Variants in EIF5B observed in about 807,000 individuals in gnomAD.
EIF5B encodes eukaryotic translation initiation factor 5B.
In EIF5B, 47 loss-of-function variants were observed where a neutral mutation model predicts 147.5. That is an observed-to-expected ratio of 0.32 (90% CI 0.25 to 0.41). EIF5B has a LOEUF of 0.41. Among genes scored for constraint, EIF5B ranks in the 10% least tolerant of loss-of-function variants. The pLI is 1.00. For missense variants in EIF5B, 1,064 were observed against 1,413.2 expected (o/e 0.75, Z 3.96); for synonymous variants, 455 against 456.2 (o/e 1.00, Z 0.03).
At chr2:99,371,529 C>T (rs865993479) in intron 8 of EIF5B, 127 bp from the exon 9 acceptor site, 10 of 655,034 alleles carry the variant, frequency 1.5e-5, no homozygotes, top group Middle Eastern at 4.4e-4. Flanking sequence ...ATAATAGCTG[C>T]ATACATATTT....
chr2:99,358,666 G>A (rs976252858), intron 1 of EIF5B, among the ~76,000 whole-genome samples: 3 of 152,158 alleles, frequency 2.0e-5, no homozygotes, highest in African/African-American at 4.8e-5. Flanking sequence ...GGGTGGTTCA[G>A]ATGCCTTTTG....
rs1342310591 is a variant in EIF5B, at chr2:99,400,142, T to G, written c.*728T>G. On this transcript the variant is annotated 3_prime_UTR_variant, in exon 24 of 24. Coordinates refer to ENST00000289371, the MANE Select transcript of EIF5B (RefSeq NM_015904.4). Reference sequence around the variant, plus strand: ...TTGTCCTCCTAGGACAAGAATTATCTTACAAACTAAACTATCATCACACTA... The same window carrying G: ...TTGTCCTCCTAGGACAAGAATTATCGTACAAACTAAACTATCATCACACTA... 6.6e-6 allele frequency: 1 copy of G among 152,116 alleles called. No homozygotes were observed. The highest frequency in any genetic ancestry group is 1.5e-5 in the Non-Finnish European group (1 of 68,046). The allele number at this position is 152,116 out of a possible 1,614,324, so 9.4% of individuals were successfully genotyped here.
At position 99,396,856 on chromosome 2, in the gene EIF5B, T is replaced by C. The variant is rs778911885; in HGVS notation, c.3351T>C (p.Gly1117=). 3.1e-6 allele frequency: 5 copies of C among 1,612,980 alleles called. No individual in the cohort carries two copies. The change falls in exon 22 of 24, where the codon GGT becomes GGC. Residue 1117 remains glycine (G), a synonymous_variant. Coordinates refer to ENST00000289371, the MANE Select transcript of EIF5B (RefSeq NM_015904.4). ...TGATGGGGGTGACGGTGGAAGCAGG[T>C]CAGGTGAAACAGGGGACACCCATGT... ...PIVMGVTVEA[G]QVKQGTPMCV...
In EIF5B at chr2:99,383,006, A is replaced by G. The variant is rs1423188268; in HGVS notation, c.2271+85A>G. 2.1e-5 allele frequency: 29 copies of G among 1,384,986 alleles called. No homozygotes were observed. The South Asian group carries it at 2.9e-4, about 14-fold the overall frequency. The allele number at this position is 1,384,986 out of a possible 1,614,324, so 85.8% of individuals were successfully genotyped here. On this transcript the variant is annotated intron_variant, in intron 14 of 23. Coordinates refer to ENST00000289371, the MANE Select transcript of EIF5B (RefSeq NM_015904.4). ...AAAAAAAGTAGTATAATTAACTTAC[A>G]AGCATAGCTCATTTTATTGTGCTTC...
At chr2:99,370,172 G>A (rs1192894561) in intron 8 of EIF5B, among the ~76,000 whole-genome samples, 1 of 152,084 alleles carries the variant, frequency 6.6e-6, no homozygotes, top group African/African-American at 2.4e-5. Flanking sequence ...CTAAAGGTCG[G>A]CTTCTATTTA....
chr2:99,375,961 G>A (rs1253526277), intron 9 of EIF5B, among the ~76,000 whole-genome samples: 1 of 152,134 alleles, frequency 6.6e-6, no homozygotes, highest in African/African-American at 2.4e-5. Flanking sequence ...TATGAAGTAA[G>A]TATAGAATGC....
rs1316141612 is a variant in EIF5B at position 99,401,209 on chromosome 2, C to G, written c.*1795C>G. On this transcript the variant is annotated 3_prime_UTR_variant, in exon 24 of 24. Coordinates refer to ENST00000289371, the MANE Select transcript of EIF5B (RefSeq NM_015904.4). Reference sequence around the variant, plus strand: ...TACCTCACAAGCACTTATGGCACAGCTATCAGAGAGCATCAGGCTCTCTGG... The same window carrying G: ...TACCTCACAAGCACTTATGGCACAGGTATCAGAGAGCATCAGGCTCTCTGG... The G allele has an allele frequency of 7.6e-7, 1 of 1,312,498 alleles. No individual in the cohort carries two copies. Among genetic ancestry groups the G allele is most frequent in the Non-Finnish European group, 1.1e-6 (1 of 905,832 alleles). The allele number at this position is 1,312,498 out of a possible 1,614,324, so 81.3% of individuals were successfully genotyped here. A position where few individuals can be genotyped will look rare whatever the true frequency, so the allele number is the denominator to read the frequency against.
At chr2:99,369,874 G>A (rs1156408718) in intron 8 of EIF5B, among the ~76,000 whole-genome samples, 1 of 152,104 alleles carries the variant, frequency 6.6e-6, no homozygotes, top group Non-Finnish European at 1.5e-5. Context: ...TACTTGGGAG[G>A]CTGAGGCAGG....
chr2:99,384,841 T>C (rs1447735116), intron 14 of EIF5B, among the ~76,000 whole-genome samples: 2 of 152,222 alleles, frequency 1.3e-5, no homozygotes, highest in African/African-American at 2.4e-5. Context: ...CTGCTTCTTA[T>C]GGGTGGGCAA....
intron 3 of EIF5B, 75 bp downstream of exon 3, chr2:99,360,624 A>G (rs1008735799): frequency 6.9e-6 from 10 of 1,440,184 alleles, no homozygotes; most frequent in South Asian, 1.3e-5. Context: ...TTGGGGAGCT[A>G]CATTTGGAAA....
In EIF5B at chr2:99,400,508, G is replaced by A. The variant is rs967835373; in HGVS notation, c.*1094G>A. The A allele has an allele frequency of 6.6e-6, 1 of 151,984 alleles. No homozygotes were observed. The highest frequency in any genetic ancestry group is 2.4e-5 in the African/African-American group (1 of 41,372). 9.4% of individuals were successfully genotyped at this position (151,984 alleles called of 1,614,324 possible). A position where few individuals can be genotyped will look rare whatever the true frequency, so the allele number is the denominator to read the frequency against. On this transcript the variant is annotated 3_prime_UTR_variant, in exon 24 of 24. Coordinates refer to ENST00000289371, the MANE Select transcript of EIF5B (RefSeq NM_015904.4). Reference sequence around the variant, plus strand: ...TAAACTATTTTTATTTTAAAGTTATGGCATAACATATAACATAAAAATATT... The same window carrying A: ...TAAACTATTTTTATTTTAAAGTTATAGCATAACATATAACATAAAAATATT...
intron 13 of EIF5B, 77 bp from the exon 14 acceptor site, chr2:99,382,703 C>G (rs1559256772): frequency 1.4e-6 from 2 of 1,387,258 alleles, no homozygotes; most frequent in African/African-American, 1.5e-5. Flanking sequence ...TTGGGTTTTA[C>G]AGAGAAGTTT....
chr2:99,391,471 T>A (rs1223194519), intron 17 of EIF5B, among the ~76,000 whole-genome samples: 1 of 152,162 alleles, frequency 6.6e-6, no homozygotes, highest in Non-Finnish European at 1.5e-5. Context: ...TTTAACACAT[T>A]TTTGGGAAGC....
At chr2:99,371,559 CT>C (rs1193194666) in intron 8 of EIF5B, 96 bp from the exon 9 acceptor site, 12 of 860,592 alleles carry the variant, frequency 1.4e-5, no homozygotes, top group Non-Finnish European at 2.1e-5. Context: ...TTAAAACATT[CT>C]TTTTTTATGT....
intron 12 of EIF5B, among the ~76,000 whole-genome samples, chr2:99,381,517 G>GT (rs199876144): frequency 0.38 from 52,513 of 137,336 alleles, 10,249 homozygotes; most frequent in African/African-American, 0.53. Context: ...TACAAAAAGG[G>GT]GGTGTGTGTG....
At chr2:99,351,486 G>T (rs924437362) in intron 1 of EIF5B, among the ~76,000 whole-genome samples, 2 of 152,138 alleles carry the variant, frequency 1.3e-5, no homozygotes, top group African/African-American at 4.8e-5. Context: ...AGTGGGATTA[G>T]GAGTGGGATT....
rs1162558011 is a variant in EIF5B, at chr2:99,344,095, A to G, written c.35+6506A>G. Among the ~76,000 whole-genome samples, 3 of 151,268 alleles carry G rather than the reference A, an allele frequency of 2.0e-5. No homozygotes were observed. In the East Asian group the frequency reaches 6.0e-4, roughly 30 times the overall value. ...TACCACGCCTGGCTAGTTTTTTTGT[A>G]TTTTTAGTAGAGACGGGGTTTCACC... On this transcript the variant is annotated intron_variant, in intron 1 of 23. Coordinates refer to ENST00000289371, the MANE Select transcript of EIF5B (RefSeq NM_015904.4).
chr2:99,340,919 A>C (rs1415531295), intron 1 of EIF5B, among the ~76,000 whole-genome samples: 1 of 151,980 alleles, frequency 6.6e-6, no homozygotes, highest in Non-Finnish European at 1.5e-5. Flanking sequence ...ACAGGCGCCC[A>C]ACACCTGGCT....
At position 99,361,236 on chromosome 2, in the gene EIF5B, A is replaced by T; in HGVS notation, c.335A>T (p.Asp112Val). Reference protein sequence around the residue: ...KGKKQSFDDNDSEELEDKDSK... With the variant: ...KGKKQSFDDNVSEELEDKDSK... ...AAAAAACAGAGTTTTGATGATAATG[A>T]TAGCGAAGAATTGGAAGATAAAGAT... The change falls in exon 4 of 24, where the codon GAT (aspartate) becomes GTT (valine). Residue 112 changes from aspartate to valine, a missense_variant. Physicochemically the swap from Asp to Val is radical, Grantham distance 152. Transcript: ENST00000289371. 1 of 1,612,070 alleles carries T rather than the reference A, an allele frequency of 6.2e-7. No homozygotes were observed. Among genetic ancestry groups the T allele is most frequent in the Non-Finnish European group, 8.5e-7 (1 of 1,179,582 alleles).
Sources: allele counts gnomAD v4.1 joint callset (sites outside exome capture counted in the v4.1 genomes callset), GRCh38; gene constraint gnomAD v4.1.1; transcripts MANE v1.5; gene names NCBI Gene and HGNC (gene_info 2026-07-23, HGNC 2026-07-21).